The following PXDNL variants were observed in gnomAD, a reference collection of about 807,000 sequenced individuals.
PXDNL encodes the protein probable oxidoreductase PXDNL.
In PXDNL, 145 loss-of-function variants were observed where a neutral mutation model predicts 150.8. That is an observed-to-expected ratio of 0.96 (90% CI 0.84 to 1.10). The LOEUF is 1.10. PXDNL is among the 50% of genes least tolerant of loss of function. The pLI is 0.00. For synonymous variants in PXDNL, 757 were observed against 725.7 expected (o/e 1.04, Z -0.69); for missense variants, 2,087 against 1,873.9 (o/e 1.11, Z -2.10).
At chr8:51,470,650 G>T (rs746767734) in intron 8 of PXDNL, among the ~76,000 whole-genome samples, 1 of 152,020 alleles carries the variant, frequency 6.6e-6, no homozygotes, top group Non-Finnish European at 1.5e-5. Context: ...CAAACCAATG[G>T]AACAGAACAG....
At chr8:51,611,790 A>T (rs1487590019) in intron 2 of PXDNL, among the ~76,000 whole-genome samples, 1 of 151,638 alleles carries the variant, frequency 6.6e-6, no homozygotes, top group Admixed American at 6.6e-5. Flanking sequence ...CCTGCAAAGT[A>T]AGAGGAGCAA....
At chr8:51,362,964 C>T (rs1241756633) in intron 19 of PXDNL, among the ~76,000 whole-genome samples, 11 of 152,084 alleles carry the variant, frequency 7.2e-5, no homozygotes, top group African/African-American at 1.4e-4. Context: ...TGTGAGCTTA[C>T]GGTTTGGTTT....
chr8:51,509,361 A>G (rs1811361015), intron 4 of PXDNL, among the ~76,000 whole-genome samples: 2 of 151,888 alleles, frequency 1.3e-5, no homozygotes, highest in South Asian at 4.2e-4. Context: ...GTCCTTCAAA[A>G]CCCTCCAGTG....
chr8:51,681,669 G>C (rs1018924461), intron 1 of PXDNL, among the ~76,000 whole-genome samples: 2 of 152,198 alleles, frequency 1.3e-5, no homozygotes, highest in East Asian at 1.9e-4. Context: ...ATTGTTATGA[G>C]GTTGTGACAT....
At chr8:51,469,755 C>G (rs997885922) in intron 8 of PXDNL, among the ~76,000 whole-genome samples, 2 of 152,042 alleles carry the variant, frequency 1.3e-5, no homozygotes, top group African/African-American at 4.8e-5. Flanking sequence ...GCTCCATGCA[C>G]TTTCAGGATA....
At chr8:51,442,872 T>TA (rs34828388) in intron 12 of PXDNL, among the ~76,000 whole-genome samples, 81,742 of 151,922 alleles carry the variant, frequency 0.54, 26,048 homozygotes, top group Non-Finnish European at 0.7. Flanking sequence ...TGCTTGTTTT[T>TA]AAAAAATACC....
chr8:51,450,707 G>A (rs1809787975), intron 10 of PXDNL, among the ~76,000 whole-genome samples: 1 of 152,050 alleles, frequency 6.6e-6, no homozygotes, highest in South Asian at 2.1e-4. Flanking sequence ...AAACCCTCAG[G>A]AATGCCTGCA....
intron 1 of PXDNL, among the ~76,000 whole-genome samples, chr8:51,790,898 C>T (rs1230897521): frequency 9.6e-6 from 1 of 104,346 alleles, no homozygotes; most frequent in Non-Finnish European, 2.5e-5. Flanking sequence ...TTTGTAAATA[C>T]ACTTCTTTGT....
chr8:51,424,587 G>A (rs939434600), intron 13 of PXDNL, among the ~76,000 whole-genome samples: 2 of 151,630 alleles, frequency 1.3e-5, no homozygotes, highest in African/African-American at 4.8e-5. Context: ...TTTTATATGA[G>A]CTATTATTAA....
At chr8:51,555,922 T>C (rs1812590466) in intron 4 of PXDNL, among the ~76,000 whole-genome samples, 1 of 152,134 alleles carries the variant, frequency 6.6e-6, no homozygotes, top group Non-Finnish European at 1.5e-5. Context: ...GAGGTTTTCA[T>C]AAAGTATCAA....
chr8:51,760,852 T>C (rs2037155822), intron 1 of PXDNL, among the ~76,000 whole-genome samples: 2 of 67,026 alleles, frequency 3.0e-5, no homozygotes, highest in Admixed American at 1.8e-4. Context: ...AAACTTTTTT[T>C]TTTTTTTTTT....
At chr8:51,590,769 T>G (rs1310813199) in intron 3 of PXDNL, among the ~76,000 whole-genome samples, 1 of 152,138 alleles carries the variant, frequency 6.6e-6, no homozygotes, top group Non-Finnish European at 1.5e-5. Context: ...GGAATTTGCC[T>G]CAGGATGAAT....
intron 1 of PXDNL, among the ~76,000 whole-genome samples, chr8:51,685,891 C>A (rs1041816995): frequency 5.9e-5 from 9 of 152,072 alleles, no homozygotes; most frequent in African/African-American, 2.2e-4. Flanking sequence ...TAAAGGTGTA[C>A]CCACAGCAAC....
At chr8:51,767,886 A>C (rs2037249021) in intron 1 of PXDNL, among the ~76,000 whole-genome samples, 1 of 152,222 alleles carries the variant, frequency 6.6e-6, no homozygotes, top group Non-Finnish European at 1.5e-5. Flanking sequence ...TTACAGAGAT[A>C]ATTATGAGTC....
chr8:51,658,965 T>C (rs1261367705), intron 1 of PXDNL, among the ~76,000 whole-genome samples: 1 of 145,114 alleles, frequency 6.9e-6, no homozygotes, highest in Non-Finnish European at 1.5e-5. Context: ...GCAATAAATA[T>C]GCATGCATGT....
chr8:51,430,440 T>C (rs939195293), intron 12 of PXDNL, among the ~76,000 whole-genome samples: 1 of 152,202 alleles, frequency 6.6e-6, no homozygotes, highest in Non-Finnish European at 1.5e-5. Context: ...ACACATGCCC[T>C]GAGTTCCCTG....
intron 12 of PXDNL, among the ~76,000 whole-genome samples, chr8:51,434,803 C>T (rs1034062454): frequency 6.6e-6 from 1 of 152,114 alleles, no homozygotes; most frequent in Non-Finnish European, 1.5e-5. Flanking sequence ...GAATGTAACA[C>T]AGATCAGTTT....
intron 1 of PXDNL, among the ~76,000 whole-genome samples, chr8:51,744,093 GGAAAGAAAGAAA>G (rs1259792170): frequency 1.7e-4 from 7 of 41,180 alleles, no homozygotes; most frequent in African/African-American, 3.6e-4. Flanking sequence ...AAGGAAGGAA[GGAAAGAAAGAAA>G]GAAAGAAAGA....
intron 3 of PXDNL, among the ~76,000 whole-genome samples, chr8:51,573,102 C>T (rs996075417): frequency 2.6e-5 from 4 of 151,932 alleles, no homozygotes; most frequent in African/African-American, 4.8e-5. Flanking sequence ...TCTAGCAAGA[C>T]AGAAAACTTT....
Sources: gnomAD v4.1 joint callset for allele counts (sites outside exome capture counted in the v4.1 genomes callset) on GRCh38, gnomAD v4.1.1 for gene constraint, MANE v1.5 for transcripts, NCBI Gene and HGNC (gene_info 2026-07-23, HGNC 2026-07-21) for gene names.